ILRUN: variants seen among roughly 807,000 people sequenced by gnomAD.
ILRUN encodes inflammation and lipid regulator with UBA-like and NBR1-like domains.
Under a neutral mutation model 33.8 loss-of-function variants are expected in ILRUN, and 3 were observed. The ratio of observed to expected loss-of-function variants is 0.09; its 90% CI spans 0.04 to 0.23. ILRUN has a LOEUF of 0.23. ILRUN is among the 10% of genes least tolerant of loss of function. The probability of loss-of-function intolerance (pLI) is 1.00; values close to 1 mark genes in which losing one functional copy is unlikely to be tolerated. For synonymous variants in ILRUN, 124 were observed against 138.9 expected, an observed-to-expected ratio of 0.89 and a Z score of 0.75; for missense variants, 210 against 375.1, an observed-to-expected ratio of 0.56 and a Z score of 3.64.
intron 4 of ILRUN, among the ~76,000 whole-genome samples, chr6:34,597,076 T>A (rs530131967): frequency 3.3e-4 from 50 of 152,120 alleles, no homozygotes; most frequent in African/African-American, 7.7e-4. Flanking sequence ...AAAAGGCAAC[T>A]CCCACAGCCT....
chr6:34,668,071 G>A (rs1198401692), intron 1 of ILRUN, among the ~76,000 whole-genome samples: 2 of 152,060 alleles, frequency 1.3e-5, no homozygotes, highest in Admixed American at 6.6e-5. Context: ...TTGCTGAAGG[G>A]CTTAAAGGTG....
intron 1 of ILRUN, among the ~76,000 whole-genome samples, chr6:34,657,091 G>A (rs532526350): frequency 4.6e-5 from 7 of 152,308 alleles, no homozygotes; most frequent in African/African-American, 1.7e-4. Flanking sequence ...TACACTTAGG[G>A]ATCAGGGAGA....
rs1761235974 is a variant in ILRUN at position 34,588,456 on chromosome 6, T to C, written c.*2109A>G. ...GCCAGGGACAGTGGAGATGTGCTGC[T>C]TCAAGGCTACTAAGCAGTAAGAACA... On this transcript the variant is annotated 3_prime_UTR_variant, in exon 5 of 5. Transcript: ENST00000374023. The C allele has an allele frequency of 2.6e-6, 1 of 382,402 alleles. No individual in the cohort carries two copies. Among genetic ancestry groups the C allele is most frequent in the Admixed American group, 4.5e-5 (1 of 22,146 alleles). 23.7% of individuals were successfully genotyped at this position (382,402 alleles called of 1,614,324 possible).
intron 4 of ILRUN, among the ~76,000 whole-genome samples, chr6:34,599,187 G>A (rs1448605312): frequency 6.6e-6 from 1 of 152,218 alleles, no homozygotes; most frequent in Non-Finnish European, 1.5e-5. Context: ...AATTTGCTGT[G>A]TGAATGTGAG....
At chr6:34,608,718 T>A (rs2127324673) in intron 3 of ILRUN, among the ~76,000 whole-genome samples, 1 of 152,298 alleles carries the variant, frequency 6.6e-6, no homozygotes, top group East Asian at 1.9e-4. Context: ...AGTACAAGAC[T>A]ATAGAGGGAA....
In ILRUN at chr6:34,587,318, A is replaced by G. The variant is rs1761212192; in HGVS notation, c.*3247T>C. The G allele has an allele frequency of 6.6e-6, 1 of 152,630 alleles. No homozygotes were observed. The highest frequency in any genetic ancestry group is 2.4e-5 in the African/African-American group (1 of 41,442). 9.5% of individuals were successfully genotyped at this position (152,630 alleles called of 1,614,324 possible). ...TTGGTGTGTGTGTTAATTTAATCAT[A>G]CAAATATTCATTTATACAATAAGGA... On this transcript the variant is annotated 3_prime_UTR_variant, in exon 5 of 5. Transcript: ENST00000374023.
intron 1 of ILRUN, among the ~76,000 whole-genome samples, chr6:34,660,912 C>T (rs1384500745): frequency 6.6e-6 from 1 of 152,148 alleles, no homozygotes; most frequent in Non-Finnish European, 1.5e-5. Context: ...AAAATGTACT[C>T]GCAGATACTC....
At chr6:34,628,533 C>T (rs1762185200) in intron 3 of ILRUN, among the ~76,000 whole-genome samples, 1 of 152,006 alleles carries the variant, frequency 6.6e-6, no homozygotes, top group South Asian at 2.1e-4. Context: ...GGGGTTTCAC[C>T]GTGTTAGCCA....
chr6:34,666,128 T>C (rs1762993742), intron 1 of ILRUN, among the ~76,000 whole-genome samples: 1 of 152,240 alleles, frequency 6.6e-6, no homozygotes, highest in African/African-American at 2.4e-5. Flanking sequence ...AAAGACAATG[T>C]CATGTTACCT....
At chr6:34,689,329 A>G (rs1400325874) in intron 1 of ILRUN, among the ~76,000 whole-genome samples, 3 of 152,210 alleles carry the variant, frequency 2.0e-5, no homozygotes, top group African/African-American at 7.2e-5. Flanking sequence ...CCTGGGCAAC[A>G]TAGTGAGACG....
At chr6:34,665,720 C>T (rs1277735504) in intron 1 of ILRUN, among the ~76,000 whole-genome samples, 9 of 152,168 alleles carry the variant, frequency 5.9e-5, no homozygotes, top group African/African-American at 9.6e-5. Flanking sequence ...TGAGCCACCA[C>T]GCCCAGCCTT....
chr6:34,662,178 C>T (rs574527011), intron 1 of ILRUN, among the ~76,000 whole-genome samples: 5 of 139,132 alleles, frequency 3.6e-5, no homozygotes, highest in African/African-American at 7.9e-5. Context: ...TGGTGGCAGG[C>T]GCCTGTAGTC....
intron 1 of ILRUN, among the ~76,000 whole-genome samples, chr6:34,691,211 A>C (rs1420239986): frequency 1.3e-5 from 2 of 152,154 alleles, no homozygotes; most frequent in Non-Finnish European, 2.9e-5. Flanking sequence ...CTCTTAAGTC[A>C]GTTTCCGGTT....
chr6:34,639,256 CA>C (rs1762423686), intron 3 of ILRUN, among the ~76,000 whole-genome samples: 1 of 152,138 alleles, frequency 6.6e-6, no homozygotes, highest in South Asian at 2.1e-4. Flanking sequence ...CTCGATATGT[CA>C]AATGTCCCTA....
chr6:34,634,508 C>T (rs1006624630), intron 3 of ILRUN, among the ~76,000 whole-genome samples: 2 of 151,762 alleles, frequency 1.3e-5, no homozygotes, highest in Non-Finnish European at 2.9e-5. Flanking sequence ...TAGAGAAAAA[C>T]CAATGAAACC....
At chr6:34,598,651 TAA>T (rs1761449906) in intron 4 of ILRUN, among the ~76,000 whole-genome samples, 1 of 152,076 alleles carries the variant, frequency 6.6e-6, no homozygotes, top group Middle Eastern at 3.2e-3. Flanking sequence ...CCAAAGCAAA[TAA>T]AATGGAGCTG....
At chr6:34,676,127 G>A (rs1763224355) in intron 1 of ILRUN, among the ~76,000 whole-genome samples, 1 of 152,092 alleles carries the variant, frequency 6.6e-6, no homozygotes, top group Non-Finnish European at 1.5e-5. Flanking sequence ...AGTATATATA[G>A]AGCTGGGCAC....
At chr6:34,693,753 G>A (rs975888590) in intron 1 of ILRUN, among the ~76,000 whole-genome samples, 10 of 150,492 alleles carry the variant, frequency 6.6e-5, no homozygotes, top group East Asian at 1.9e-4. Context: ...TGCAAGCTCC[G>A]CCTCCTGGGT....
intron 1 of ILRUN, among the ~76,000 whole-genome samples, chr6:34,678,676 T>C (rs1222716778): frequency 6.6e-6 from 1 of 150,674 alleles, no homozygotes; most frequent in African/African-American, 2.4e-5. Flanking sequence ...TGAAACCCCA[T>C]CTCTACTAAA....
Sources: allele counts gnomAD v4.1 joint callset (sites outside exome capture counted in the v4.1 genomes callset), GRCh38; gene constraint gnomAD v4.1.1; transcripts MANE v1.5; gene names NCBI Gene and HGNC (gene_info 2026-07-23, HGNC 2026-07-21).